SRGAP3: variants seen among roughly 807,000 people sequenced by gnomAD.
SRGAP3 encodes SLIT-ROBO Rho GTPase activating protein 3, also known as SLIT-ROBO Rho GTPase-activating protein 3.
SRGAP3 carries 39 observed loss-of-function variants against 121.1 expected under a neutral mutation model. The observed-to-expected ratio is 0.32, with a 90% CI of 0.25 to 0.42. The LOEUF (loss-of-function observed/expected upper bound fraction) is 0.42. SRGAP3 is among the 10% of genes least tolerant of loss of function. The pLI is 1.00. For missense variants in SRGAP3, 1,213 were observed against 1,470.6 expected (o/e 0.82, Z 2.86); for synonymous variants, 601 against 570.0 (o/e 1.05, Z -0.77).
intron 19 of SRGAP3, chr3:8,994,128 C>A: frequency 1.5e-6 from 1 of 651,780 alleles, no homozygotes; most frequent in Non-Finnish European, 2.6e-6. Context: ...CACCCAACAC[C>A]GTTTCTGTGT....
At chr3:9,362,460 G>A (rs868142616) in intron 1 of SRGAP3, among the ~76,000 whole-genome samples, 6 of 149,546 alleles carry the variant, frequency 4.0e-5, no homozygotes, top group African/African-American at 7.3e-5. Flanking sequence ...CACTGTGCCC[G>A]GCCAGGTTCA....
At chr3:9,313,484 T>C (rs1425932369) in intron 3 of SRGAP3, among the ~76,000 whole-genome samples, 1 of 151,592 alleles carries the variant, frequency 6.6e-6, no homozygotes, top group Non-Finnish European at 1.5e-5. Context: ...AGGTCAGGAG[T>C]TCGAGACCAG....
chr3:9,358,690 G>C (rs181959522), intron 1 of SRGAP3, among the ~76,000 whole-genome samples: 1 of 152,296 alleles, frequency 6.6e-6, no homozygotes, highest in East Asian at 1.9e-4. Flanking sequence ...CAGAACTTCT[G>C]ACCAACAGGC....
At chr3:8,995,908 C>G (rs1942372012) in intron 18 of SRGAP3, among the ~76,000 whole-genome samples, 1 of 152,212 alleles carries the variant, frequency 6.6e-6, no homozygotes, top group Non-Finnish European at 1.5e-5. Flanking sequence ...CCTGCCCTCT[C>G]TCTAGCCTGT....
intron 3 of SRGAP3, 121 bp from the exon 4 acceptor site, chr3:9,080,208 A>C (rs1947173920): frequency 3.4e-6 from 3 of 889,752 alleles, no homozygotes; most frequent in Non-Finnish European, 5.4e-6. Context: ...TACAGAAATC[A>C]GCATAAATTT....
chr3:9,277,670 C>T (rs1224325930), intron 3 of SRGAP3, among the ~76,000 whole-genome samples: 2 of 150,130 alleles, frequency 1.3e-5, no homozygotes, highest in African/African-American at 2.5e-5. Context: ...ATCCCAGCTA[C>T]TTGAAAGGCC....
At chr3:9,297,929 T>C (rs1954979975) in intron 3 of SRGAP3, among the ~76,000 whole-genome samples, 1 of 150,720 alleles carries the variant, frequency 6.6e-6, no homozygotes, top group South Asian at 2.1e-4. Flanking sequence ...GTATGAAAAT[T>C]AGGACATAGA....
upstream of SRGAP3, among the ~76,000 whole-genome samples, chr3:9,250,769 C>T (rs1382589247): frequency 6.6e-6 from 1 of 152,284 alleles, no homozygotes; most frequent in Non-Finnish European, 1.5e-5. Flanking sequence ...GTGACTTACC[C>T]AAGGTCACCA....
chr3:8,997,452 C>A (rs985605240), intron 18 of SRGAP3, among the ~76,000 whole-genome samples: 1 of 152,204 alleles, frequency 6.6e-6, no homozygotes, highest in Non-Finnish European at 1.5e-5. Flanking sequence ...CATACAATCA[C>A]ATCATGAAAC....
chr3:9,206,430 A>G (rs1365037755), intron 1 of SRGAP3, among the ~76,000 whole-genome samples: 1 of 152,180 alleles, frequency 6.6e-6, no homozygotes, highest in African/African-American at 2.4e-5. Context: ...AACTTCTCTG[A>G]TCCTCAAATA....
intron 3 of SRGAP3, among the ~76,000 whole-genome samples, chr3:9,257,939 G>C (rs1192970120): frequency 1.3e-5 from 2 of 152,024 alleles, no homozygotes; most frequent in Non-Finnish European, 2.9e-5. Flanking sequence ...TCCTGACCTT[G>C]TGATCCACCT....
At chr3:8,995,197 C>T (rs532038116) in intron 18 of SRGAP3, among the ~76,000 whole-genome samples, 16 of 152,268 alleles carry the variant, frequency 1.1e-4, no homozygotes, top group Non-Finnish European at 1.8e-4. Flanking sequence ...AGAGGCTGGG[C>T]GTGGTAGCTT....
At position 9,303,668 on chromosome 3, in the gene SRGAP3, G is replaced by T. The variant is rs183959077; in HGVS notation, n.442+22342C>A. ...TTTATTTAATCTTCAAAATAGCCAT[G>T]AGGAAGGTATAGAATGACTGCTCAA... On this transcript the variant is annotated intron_variant and non_coding_transcript_variant, in intron 3 of 3. Transcript: ENST00000490889. Among the ~76,000 whole-genome samples, 800 of 152,284 alleles carry T rather than the reference G, an allele frequency of 5.3e-3. 3 individuals carry two copies. Among genetic ancestry groups the T allele is most frequent in the Non-Finnish European group, 8.2e-3 (558 of 68,022 alleles).
intron 2 of SRGAP3, among the ~76,000 whole-genome samples, chr3:9,112,040 C>T (rs1948642289): frequency 6.6e-6 from 1 of 152,182 alleles, no homozygotes; most frequent in South Asian, 2.1e-4. Flanking sequence ...GCTAGGGGAG[C>T]CAGGCCTTGC....
At chr3:9,005,484 G>C (rs888433950) in intron 18 of SRGAP3, among the ~76,000 whole-genome samples, 1 of 152,172 alleles carries the variant, frequency 6.6e-6, no homozygotes, top group Non-Finnish European at 1.5e-5. Flanking sequence ...ACACATGTTT[G>C]CAGCAGTATT....
chr3:8,993,900 C>A (rs1308594403), intron 19 of SRGAP3: 2 of 187,184 alleles, frequency 1.1e-5, no homozygotes, highest in East Asian at 2.7e-4. Flanking sequence ...TTTTCATTAA[C>A]CCCTGAAATT....
At chr3:9,087,007 A>C (rs574003785) in intron 3 of SRGAP3, among the ~76,000 whole-genome samples, 26 of 151,300 alleles carry the variant, frequency 1.7e-4, no homozygotes, top group Non-Finnish European at 3.1e-4. Flanking sequence ...GGGCCATACA[A>C]GAGTAAATAT....
At chr3:9,042,538 A>G (rs1333121222) in intron 10 of SRGAP3, among the ~76,000 whole-genome samples, 1 of 152,120 alleles carries the variant, frequency 6.6e-6, no homozygotes, top group Admixed American at 6.5e-5. Flanking sequence ...TCAACAGGCA[A>G]CTCCTTAATT....
intron 1 of SRGAP3, among the ~76,000 whole-genome samples, chr3:9,346,587 A>T (rs1955894435): frequency 6.6e-6 from 1 of 152,062 alleles, no homozygotes; most frequent in African/African-American, 2.4e-5. Flanking sequence ...CATGTTCAAG[A>T]ACTGATGGTC....
Sources: allele counts gnomAD v4.1 joint callset (sites outside exome capture counted in the v4.1 genomes callset), GRCh38; gene constraint gnomAD v4.1.1; transcripts MANE v1.5; gene names NCBI Gene and HGNC (gene_info 2026-07-23, HGNC 2026-07-21).